Variants in MINDY4B observed in about 807,000 individuals in gnomAD.
MINDY4B encodes inactive ubiquitin carboxyl-terminal hydrolase MINDY-4B.
Under a neutral mutation model 16.7 loss-of-function variants are expected in MINDY4B, and 25 were observed. The ratio of observed to expected loss-of-function variants is 1.49; its 90% confidence interval spans 1.09 to 2.09. The LOEUF is 2.09. MINDY4B is among the 30% of genes most tolerant of loss of function. The probability of loss-of-function intolerance (pLI) is 0.00; values close to 1 mark genes in which losing one functional copy is unlikely to be tolerated. For missense variants in MINDY4B, 327 were observed against 168.4 expected (o/e 1.94, Z -5.21); for synonymous variants, 132 against 61.9 (o/e 2.13, Z -5.32).
At chr3:150,884,639 A>G (rs1375122717) in intron 8 of MINDY4B, among the ~76,000 whole-genome samples, 1 of 78,932 alleles carries the variant, frequency 1.3e-5, no homozygotes, top group African/African-American at 7.6e-5. Context: ...AACATACAGC[A>G]TAAAATGTGA....
At chr3:150,897,697 G>C (rs750595182) in intron 3 of MINDY4B, among the ~76,000 whole-genome samples, 3 of 152,196 alleles carry the variant, frequency 2.0e-5, no homozygotes, top group Non-Finnish European at 4.4e-5. Context: ...AAAAGAAAAG[G>C]TTGTCTCTAC....
rs758187431 is a variant in MINDY4B at position 150,871,012 on chromosome 3, A to C, written c.*33T>G. The C allele has an allele frequency of 2.9e-5, 20 of 693,656 alleles. No individual in the cohort carries two copies. Among genetic ancestry groups the C allele is most frequent in the Non-Finnish European group, 5.0e-5 (19 of 380,486 alleles). 43.0% of individuals were successfully genotyped at this position (693,656 alleles called of 1,614,324 possible). ...GCTTTTGCATCCCAGCAGTTCTGAC[A>C]CTTCAGACTTCATTGCACAGCCTAG... On this transcript the variant is annotated 3_prime_UTR_variant, in exon 12 of 12. Transcript: ENST00000465419.
At chr3:150,872,029 A>G (rs537800871) in intron 11 of MINDY4B, among the ~76,000 whole-genome samples, 1 of 152,346 alleles carries the variant, frequency 6.6e-6, no homozygotes, top group Non-Finnish European at 1.5e-5. Context: ...CATTTATTCA[A>G]TTAGTAACTA....
intron 11 of MINDY4B, among the ~76,000 whole-genome samples, chr3:150,871,610 G>A (rs1383122647): frequency 6.6e-6 from 1 of 151,590 alleles, no homozygotes; most frequent in Non-Finnish European, 1.5e-5. Context: ...GTACTTTGGG[G>A]GGCTGAGGCA....
At chr3:150,891,686 C>T (rs1435006164) in intron 5 of MINDY4B, among the ~76,000 whole-genome samples, 1 of 144,654 alleles carries the variant, frequency 6.9e-6, no homozygotes, top group Non-Finnish European at 1.5e-5. Context: ...GGTTTGAACC[C>T]GGGAGTCAGA....
Position 150,883,762 on chromosome 3 carries a change from C to G in MINDY4B, c.835G>C (p.Asp279His), listed in dbSNP as rs995454731. The G allele has an allele frequency of 2.4e-5, 17 of 702,612 alleles. No individual in the cohort carries two copies. The highest frequency in any genetic ancestry group is 3.9e-5 in the Non-Finnish European group (15 of 384,836). The allele number at this position is 702,612 out of a possible 1,614,324, so 43.5% of individuals were successfully genotyped here. A position where few individuals can be genotyped will look rare whatever the true frequency, so the allele number is the denominator to read the frequency against. ...AGCTGAGTGGTGGTGACATCTAGGT[C>G]CATTTGAAGCCTGCAGAGTGGGAGA... is the stretch of plus-strand genomic sequence containing the variant. ...FSRTFERLQM[D>H]LDVTTTQLLQ... The change falls in exon 9 of 12, where the codon GAC becomes CAC. Residue 279 changes from aspartate (D) to histidine (H), a missense_variant. Physicochemically the swap from Asp to His is moderately conservative, Grantham distance 81. Transcript: ENST00000465419.
chr3:150,894,468 CAGA>C (rs977014626), intron 3 of MINDY4B, among the ~76,000 whole-genome samples, 163 bp from the exon 4 acceptor site: 1 of 152,190 alleles, frequency 6.6e-6, no homozygotes, highest in African/African-American at 2.4e-5. Flanking sequence ...AACTCCTGAG[CAGA>C]AGATGTCTAG....
chr3:150,873,288 G>A lies in MINDY4B; in HGVS notation c.1139C>T (p.Thr380Ile), dbSNP rs1318104786. Residue 380 changes from threonine to isoleucine, a missense_variant, in exon 11 of 12, where the codon ACA (threonine) becomes ATA (isoleucine). By Grantham distance (89) the Thr-to-Ile change is moderately conservative. Coordinates refer to ENST00000465419, the MANE Select transcript of MINDY4B (RefSeq NM_001351281.2). ...CCAGTCTGATAAGAGCTGCCTGTTT[G>A]TGCAAAAAAGGATGCTGTAATTTCC... ...INGNYSILFC[T>I]NRQLLSDWKM... is the part of the protein sequence containing the mutation. 5.7e-6 allele frequency: 4 copies of A among 702,684 alleles called. No individual in the cohort carries two copies. Among genetic ancestry groups the A allele is most frequent in the African/African-American group, 5.2e-5 (3 of 57,222 alleles). 43.5% of individuals were successfully genotyped at this position (702,684 alleles called of 1,614,324 possible). A position where few individuals can be genotyped will look rare whatever the true frequency, so the allele number is the denominator to read the frequency against.
chr3:150,874,519 A>G (rs1717046889), intron 10 of MINDY4B, among the ~76,000 whole-genome samples: 1 of 135,530 alleles, frequency 7.4e-6, no homozygotes, highest in Admixed American at 8.1e-5. Context: ...AATTTGTTAA[A>G]TTTATTTCAA....
intron 3 of MINDY4B, among the ~76,000 whole-genome samples, chr3:150,896,756 T>C (rs1299298617): frequency 6.6e-6 from 1 of 152,186 alleles, no homozygotes; most frequent in African/African-American, 2.4e-5. Context: ...CAGCCATGGA[T>C]ACCAGCACCT....
rs548070185 is a variant in MINDY4B at position 150,893,251 on chromosome 3, T to G, written c.521+73A>C. 42 of 694,410 alleles carry G rather than the reference T, an allele frequency of 6.0e-5. No individual in the cohort carries two copies. The South Asian group carries it at 6.3e-4, about 10-fold the overall frequency. The allele number at this position is 694,410 out of a possible 1,614,324, so 43.0% of individuals were successfully genotyped here. On this transcript the variant is annotated intron_variant, in intron 5 of 11. Transcript: ENST00000465419. ...TCCTTTCTGAGACAACCTGAATTTTTCAGTTATGATTATTTAGCATATCAA... is the reference window on the plus strand; with the variant it reads ...TCCTTTCTGAGACAACCTGAATTTTGCAGTTATGATTATTTAGCATATCAA...
chr3:150,904,767 G>C (rs999461435), intron 2 of MINDY4B, among the ~76,000 whole-genome samples: 2 of 152,202 alleles, frequency 1.3e-5, no homozygotes, highest in African/African-American at 4.8e-5. Context: ...TCAGAATCCA[G>C]TGTTATTTCA....
intron 3 of MINDY4B, 105 bp from the exon 4 acceptor site, chr3:150,894,410 C>T (rs1711905718): frequency 1.7e-6 from 1 of 581,944 alleles, no homozygotes; most frequent in Admixed American, 3.3e-5. Context: ...TCGTTCCCTT[C>T]TACATTCAGG....
intron 3 of MINDY4B, among the ~76,000 whole-genome samples, chr3:150,894,821 G>C (rs556781167): frequency 6.6e-6 from 1 of 152,256 alleles, no homozygotes; most frequent in South Asian, 2.1e-4. Context: ...GAAAAAAAGG[G>C]AATCTATTCA....
chr3:150,880,238 G>A (rs1300335203), intron 10 of MINDY4B, among the ~76,000 whole-genome samples: 2 of 152,178 alleles, frequency 1.3e-5, no homozygotes, highest in South Asian at 2.1e-4. Flanking sequence ...CAAGCCTGCC[G>A]ATTTCCAGGC....
intron 8 of MINDY4B, among the ~76,000 whole-genome samples, chr3:150,884,819 CT>C (rs1711582204): frequency 6.6e-6 from 1 of 152,162 alleles, no homozygotes; most frequent in South Asian, 2.1e-4. Flanking sequence ...GCAGAGGCCC[CT>C]TCCTCCTCTG....
At chr3:150,903,905 C>T (rs902396076) in intron 2 of MINDY4B, among the ~76,000 whole-genome samples, 1 of 152,076 alleles carries the variant, frequency 6.6e-6, no homozygotes, top group African/African-American at 2.4e-5. Flanking sequence ...AAAAATCCAC[C>T]GTCTACCTTT....
Position 150,870,861 on chromosome 3 carries a change from A to C in MINDY4B, c.*184T>G, listed in dbSNP as rs905524343. The stretch of plus-strand genomic sequence containing the variant: ...GTGTGGGGGCCTGTGTTTCTCCTAC[A>C]ATGCTGACAGCTAGGGATTTACCAG... On this transcript the variant is annotated 3_prime_UTR_variant, in exon 12 of 12. Transcript: ENST00000465419. Among the ~76,000 whole-genome samples, 2 of 152,202 alleles carry C rather than the reference A, an allele frequency of 1.3e-5. No homozygotes were observed. The highest frequency in any genetic ancestry group is 4.8e-5 in the African/African-American group (2 of 41,436).
In MINDY4B at chr3:150,903,310, G is replaced by T; in HGVS notation, c.248C>A (p.Pro83His). Residue 83 changes from proline (P) to histidine (H), a missense_variant, in exon 3 of 12, where the codon CCC becomes CAC. Transcript: ENST00000465419. The stretch of plus-strand genomic sequence containing the variant: ...TTTTGAAGAGATGATAGAGGGGTTG[G>T]GAATAGAACAAAGGCCACTTGATGG... ...HLPSSGLCSI[P>H]NPSIISSKLG... is the part of the protein sequence containing the mutation. The T allele has an allele frequency of 2.5e-6, 1 of 398,510 alleles. No homozygotes were observed. Among genetic ancestry groups the T allele is most frequent in the Non-Finnish European group, 4.4e-6 (1 of 226,014 alleles). 24.7% of individuals were successfully genotyped at this position (398,510 alleles called of 1,614,324 possible).
Sources: allele counts gnomAD v4.1 joint callset (sites outside exome capture counted in the v4.1 genomes callset), GRCh38; gene constraint gnomAD v4.1.1; transcripts MANE v1.5; gene names NCBI Gene and HGNC (gene_info 2026-07-23, HGNC 2026-07-21).